FAR2: variants seen among roughly 807,000 people sequenced by gnomAD.
The protein encoded by FAR2 is epididymis secretory protein Li 81.
A neutral mutation model predicts 56.0 loss-of-function variants in FAR2; 19 were observed. The ratio of observed to expected loss-of-function variants is 0.34; its 90% CI spans 0.24 to 0.50. The LOEUF (loss-of-function observed/expected upper bound fraction) is 0.50, where lower values mean the gene tolerates loss of function less well. FAR2 is among the 20% of genes least tolerant of loss of function. The pLI is 0.98. For synonymous variants in FAR2, 219 were observed against 218.8 expected (o/e 1.00, Z -0.01); for missense variants, 508 against 642.2 (o/e 0.79, Z 2.26).
At chr12:29,325,622 G>A (rs992016131) in intron 10 of FAR2, among the ~76,000 whole-genome samples, 23 of 152,044 alleles carry the variant, frequency 1.5e-4, no homozygotes, top group Non-Finnish European at 2.6e-4. Context: ...AACTACATGG[G>A]AACTGAACAA....
At chr12:29,210,134 G>C (rs907557781) in intron 1 of FAR2, among the ~76,000 whole-genome samples, 5 of 152,122 alleles carry the variant, frequency 3.3e-5, no homozygotes, top group Admixed American at 2.0e-4. Context: ...ATTGAGCCCC[G>C]GAGGTCAATG....
At chr12:29,297,295 A>G (rs1417600119) in intron 4 of FAR2, 95 bp downstream of exon 4, 16 of 1,226,824 alleles carry the variant, frequency 1.3e-5, no homozygotes, top group Non-Finnish European at 1.6e-5. Flanking sequence ...GATGAAGTCA[A>G]ACACTTTTGA....
chr12:29,232,899 G>A (rs1442620878), intron 1 of FAR2, among the ~76,000 whole-genome samples: 1 of 151,522 alleles, frequency 6.6e-6, no homozygotes, highest in Non-Finnish European at 1.5e-5. Context: ...CCACACTATG[G>A]ACCTTGTCAC....
At chr12:29,230,566 A>C (rs1466108102) in intron 1 of FAR2, among the ~76,000 whole-genome samples, 2 of 152,064 alleles carry the variant, frequency 1.3e-5, no homozygotes, top group African/African-American at 4.8e-5. Context: ...TGAAAAATAG[A>C]CTGTTAGTGC....
intron 1 of FAR2, chr12:29,151,854 A>C (rs755715020): frequency 6.6e-6 from 1 of 152,212 alleles, no homozygotes; most frequent in Non-Finnish European, 1.5e-5. Flanking sequence ...CTAAGTAAAA[A>C]GAGGTAATAA....
intron 1 of FAR2, among the ~76,000 whole-genome samples, chr12:29,257,600 G>A (rs1046090979): frequency 6.6e-6 from 1 of 152,092 alleles, no homozygotes; most frequent in African/African-American, 2.4e-5. Flanking sequence ...CACTGCGAAG[G>A]TCTGCAGCTT....
intron 2 of FAR2, among the ~76,000 whole-genome samples, chr12:29,290,806 A>G (rs77192223): frequency 0.032 from 4,827 of 152,240 alleles, 104 homozygotes; most frequent in East Asian, 0.072. Flanking sequence ...AATCAAAACA[A>G]TTGAACTCAT....
At chr12:29,239,259 TAAAC>T (rs1046265154) in intron 1 of FAR2, among the ~76,000 whole-genome samples, 2 of 152,000 alleles carry the variant, frequency 1.3e-5, no homozygotes, top group African/African-American at 4.8e-5. Context: ...CTTAGCAAAC[TAAAC>T]AAATAGGGAA....
chr12:29,240,559 G>A (rs1948012875), intron 1 of FAR2, among the ~76,000 whole-genome samples: 1 of 151,230 alleles, frequency 6.6e-6, no homozygotes, highest in South Asian at 2.1e-4. Flanking sequence ...TTACTGCCTT[G>A]TCTCATCATC....
At chr12:29,326,963 G>T (rs1295259885) in intron 10 of FAR2, among the ~76,000 whole-genome samples, 2 of 152,140 alleles carry the variant, frequency 1.3e-5, no homozygotes, top group Admixed American at 6.6e-5. Context: ...AAGTCAAATT[G>T]TCCCTGTTTG....
At chr12:29,317,095 A>T in intron 9 of FAR2, 83 bp downstream of exon 9, 1 of 1,392,450 alleles carries the variant, frequency 7.2e-7, no homozygotes, top group Non-Finnish European at 9.7e-7. Context: ...CCTTCAGCCG[A>T]GGATTAAAGG....
rs1350803542 is a variant in FAR2 at position 29,270,623 on chromosome 12, G to C, written c.174G>C (p.Gln58His). ...AGQTLQQRVF[Q>H]ILDSKLFEKV... ...AGACACTGCAGCAGAGGGTTTTCCA[G>C]ATCCTAGACAGTAAGGTATGCCTTA... The change falls in exon 2 of 12, where the codon CAG (glutamine) becomes CAC (histidine). Residue 58 changes from glutamine to histidine, a missense_variant. Transcript: ENST00000536681. The C allele has an allele frequency of 6.2e-7, 1 of 1,612,006 alleles. No individual in the cohort carries two copies. Among genetic ancestry groups the C allele is most frequent in the Non-Finnish European group, 8.5e-7 (1 of 1,178,890 alleles).
At chr12:29,155,029 T>TAA (rs1226787804) in intron 1 of FAR2, among the ~76,000 whole-genome samples, 5 of 152,246 alleles carry the variant, frequency 3.3e-5, no homozygotes, top group Admixed American at 3.3e-4. Flanking sequence ...TAATAGGCAT[T>TAA]AAGTTGATGA....
intron 1 of FAR2, among the ~76,000 whole-genome samples, chr12:29,198,231 A>G (rs1950157595): frequency 2.6e-5 from 4 of 151,750 alleles, no homozygotes; most frequent in Admixed American, 2.6e-4. Flanking sequence ...TTTTAACTTA[A>G]TTTTATTTTA....
intron 2 of FAR2, among the ~76,000 whole-genome samples, chr12:29,276,382 A>G (rs1197228515): frequency 6.6e-6 from 1 of 152,196 alleles, no homozygotes; most frequent in Non-Finnish European, 1.5e-5. Flanking sequence ...TGAAAAACAC[A>G]TCTACGGTAG....
At chr12:29,331,229 T>G (rs1245468726) in intron 10 of FAR2, among the ~76,000 whole-genome samples, 1 of 150,660 alleles carries the variant, frequency 6.6e-6, no homozygotes, top group African/African-American at 2.4e-5. Context: ...TTTTTTAATG[T>G]CCAGGGATGA....
At chr12:29,324,576 G>T (rs966316640) in intron 10 of FAR2, among the ~76,000 whole-genome samples, 1 of 152,200 alleles carries the variant, frequency 6.6e-6, no homozygotes, top group African/African-American at 2.4e-5. Flanking sequence ...CAAGCCAGAA[G>T]AGAGTGGGGG....
At chr12:29,162,692 A>G (rs1949793132) in intron 1 of FAR2, among the ~76,000 whole-genome samples, 1 of 152,210 alleles carries the variant, frequency 6.6e-6, no homozygotes, top group Admixed American at 6.5e-5. Context: ...TTTGGGGAGA[A>G]ATAACCAAAA....
At chr12:29,187,006 T>A (rs1227046879) in intron 1 of FAR2, among the ~76,000 whole-genome samples, 1 of 152,116 alleles carries the variant, frequency 6.6e-6, no homozygotes, top group Non-Finnish European at 1.5e-5. Flanking sequence ...GCCAGGATGG[T>A]CTCGATCTCC....
Sources: allele counts gnomAD v4.1 joint callset (sites outside exome capture counted in the v4.1 genomes callset), GRCh38; gene constraint gnomAD v4.1.1; transcripts MANE v1.5; gene names NCBI Gene and HGNC (gene_info 2026-07-23, HGNC 2026-07-21).